CHRM2: variants seen among roughly 807,000 people sequenced by gnomAD.
CHRM2 encodes muscarinic acetylcholine receptor M2.
CHRM2 carries 8 observed loss-of-function variants against 25.0 expected under a neutral mutation model. The observed-to-expected ratio is 0.32, with a 90% confidence interval of 0.19 to 0.58. CHRM2 has a LOEUF of 0.58. CHRM2 is among the 20% of genes least tolerant of loss of function. The pLI is 0.88. For missense variants in CHRM2, 440 were observed against 567.1 expected (o/e 0.78, Z 2.28); for synonymous variants, 202 against 205.7 (o/e 0.98, Z 0.15).
At chr7:136,942,044 G>C (rs1799802490) in intron 2 of CHRM2, among the ~76,000 whole-genome samples, 1 of 152,136 alleles carries the variant, frequency 6.6e-6, no homozygotes. Context: ...CACCTGTTCA[G>C]CCTGTAGAGT....
intron 2 of CHRM2, among the ~76,000 whole-genome samples, chr7:136,880,130 A>T (rs751895478): frequency 6.6e-5 from 10 of 150,754 alleles, no homozygotes; most frequent in Non-Finnish European, 1.2e-4. Flanking sequence ...GGTTTGTTAC[A>T]TTCTCTGGTC....
intron 3 of CHRM2, among the ~76,000 whole-genome samples, chr7:137,013,813 A>G (rs1328505140): frequency 1.3e-5 from 2 of 152,046 alleles, no homozygotes; most frequent in African/African-American, 2.4e-5. Flanking sequence ...TTTAATCATC[A>G]TTGAACGTCC....
At chr7:136,977,354 A>T (rs1802169726) in intron 2 of CHRM2, among the ~76,000 whole-genome samples, 1 of 151,654 alleles carries the variant, frequency 6.6e-6, no homozygotes, top group South Asian at 2.1e-4. Flanking sequence ...TTTGCTGATC[A>T]GCAGAACTTA....
chr7:136,902,899 A>AT (rs1797309097), intron 2 of CHRM2: 1 of 335,510 alleles, frequency 3.0e-6, no homozygotes, highest in Non-Finnish European at 5.7e-6. Flanking sequence ...GATGTTTATG[A>AT]TAAGGTACAC....
At chr7:136,883,679 T>A (rs962763993) in intron 2 of CHRM2, among the ~76,000 whole-genome samples, 4 of 152,144 alleles carry the variant, frequency 2.6e-5, no homozygotes, top group African/African-American at 9.7e-5. Context: ...TTCTTTCTGG[T>A]TTGTGTGGGA....
intron 2 of CHRM2, among the ~76,000 whole-genome samples, chr7:136,974,040 C>T (rs538419453): frequency 3.3e-5 from 5 of 151,886 alleles, no homozygotes; most frequent in South Asian, 2.1e-4. Context: ...GCCTTGGCTG[C>T]GGTCTCATAT....
At chr7:136,943,572 C>G (rs1410165978) in intron 2 of CHRM2, among the ~76,000 whole-genome samples, 5 of 152,074 alleles carry the variant, frequency 3.3e-5, no homozygotes. Flanking sequence ...GGTCGCCAAG[C>G]TAATATTTTG....
At chr7:136,891,545 G>T (rs919215964) in intron 2 of CHRM2, among the ~76,000 whole-genome samples, 3 of 152,104 alleles carry the variant, frequency 2.0e-5, no homozygotes, top group Non-Finnish European at 2.9e-5. Flanking sequence ...GATAGCATTT[G>T]CTGTGACTCA....
At chr7:136,924,820 G>C (rs533282389) in intron 2 of CHRM2, among the ~76,000 whole-genome samples, 1 of 152,260 alleles carries the variant, frequency 6.6e-6, no homozygotes, top group South Asian at 2.1e-4. Flanking sequence ...GCCACATTTT[G>C]CTTTTCATAA....
intron 2 of CHRM2, among the ~76,000 whole-genome samples, chr7:136,911,213 C>CATGTAT (rs576547415): frequency 2.2e-3 from 329 of 151,742 alleles, no homozygotes; most frequent in Non-Finnish European, 3.4e-3. Context: ...CATAACTGAA[C>CATGTAT]ATGTATTAAT....
At chr7:136,896,073 T>C (rs1250392531) in intron 2 of CHRM2, among the ~76,000 whole-genome samples, 2 of 152,168 alleles carry the variant, frequency 1.3e-5, no homozygotes, top group Non-Finnish European at 2.9e-5. Flanking sequence ...AAAAAGGAAA[T>C]GAAAGCATTT....
chr7:136,922,594 G>A (rs1798510655), intron 2 of CHRM2, among the ~76,000 whole-genome samples: 1 of 152,120 alleles, frequency 6.6e-6, no homozygotes, highest in Non-Finnish European at 1.5e-5. Context: ...CCCTGTCTGA[G>A]CTCTACCACA....
chr7:137,006,576 C>T (rs1804441454), intron 3 of CHRM2, among the ~76,000 whole-genome samples: 1 of 152,038 alleles, frequency 6.6e-6, no homozygotes, highest in Non-Finnish European at 1.5e-5. Flanking sequence ...GTCATGAATT[C>T]TCTTCTATTT....
intron 2 of CHRM2, among the ~76,000 whole-genome samples, chr7:136,966,909 A>G (rs1801450835): frequency 6.6e-6 from 1 of 152,026 alleles, no homozygotes; most frequent in African/African-American, 2.4e-5. Flanking sequence ...TGTTGACACT[A>G]TATTTACAAG....
chr7:137,002,799 G>A (rs2131073064), intron 3 of CHRM2, among the ~76,000 whole-genome samples: 1 of 152,196 alleles, frequency 6.6e-6, no homozygotes, highest in Admixed American at 6.5e-5. Context: ...CTTTGTTTCT[G>A]TTTTTGTCCC....
At chr7:136,951,763 T>C (rs1352486998) in intron 2 of CHRM2, among the ~76,000 whole-genome samples, 2 of 152,178 alleles carry the variant, frequency 1.3e-5, no homozygotes, top group East Asian at 1.9e-4. Context: ...ACTGGATCAC[T>C]TTCCTTGTAT....
Position 136,989,609 on chromosome 7 carries a change from C to T in CHRM2, c.-124-2578C>T, listed in dbSNP as rs144419443. ...AATATGTATGTCATTATTGACTTTT[C>T]CCCTCCCTCATTCTCCAAATTCAAT... On this transcript the variant is annotated intron_variant, in intron 2 of 3. Coordinates refer to ENST00000680005, the MANE Select transcript of CHRM2 (RefSeq NM_001006630.2). Among the ~76,000 whole-genome samples, 628 of 151,836 alleles carry T rather than the reference C, an allele frequency of 4.1e-3. 4 individuals are homozygous for T. Among genetic ancestry groups the T allele is most frequent in the Non-Finnish European group, 5.8e-3 (393 of 67,890 alleles).
chr7:136,984,806 C>G (rs1243341563), intron 2 of CHRM2, among the ~76,000 whole-genome samples: 11 of 151,872 alleles, frequency 7.2e-5, no homozygotes, highest in African/African-American at 2.7e-4. Flanking sequence ...TGAAATGAAT[C>G]TGGTACCTCA....
intron 3 of CHRM2, among the ~76,000 whole-genome samples, chr7:137,004,835 C>T (rs1371651571): frequency 6.6e-6 from 1 of 152,058 alleles, no homozygotes; most frequent in African/African-American, 2.4e-5. Context: ...CTTCTCCCTG[C>T]TCTCATTTTT....
Sources: allele counts gnomAD v4.1 joint callset (sites outside exome capture counted in the v4.1 genomes callset), GRCh38; gene constraint gnomAD v4.1.1; transcripts MANE v1.5; gene names NCBI Gene and HGNC (gene_info 2026-07-23, HGNC 2026-07-21).